The following IQCH variants were observed in gnomAD, a reference collection of about 807,000 sequenced individuals.
The protein encoded by IQCH is IQ motif containing H, also known as IQ domain-containing protein H.
Under a neutral mutation model 117.0 loss-of-function variants are expected in IQCH, and 98 were observed. That is an observed-to-expected ratio of 0.84 (90% CI 0.71 to 0.99). The LOEUF (loss-of-function observed/expected upper bound fraction) is 0.99, where lower values mean the gene tolerates loss of function less well. Among genes scored for constraint, IQCH ranks in the 50% least tolerant of loss-of-function variants. IQCH has a pLI of 0.00. For synonymous variants in IQCH, 412 were observed against 448.2 expected, an observed-to-expected ratio of 0.92 and a Z score of 1.02; for missense variants, 1,102 against 1,243.8, an observed-to-expected ratio of 0.89 and a Z score of 1.72.
chr15:67,285,251 G>A (rs530162439), intron 4 of IQCH, among the ~76,000 whole-genome samples: 2 of 151,790 alleles, frequency 1.3e-5, no homozygotes, highest in East Asian at 3.9e-4. Flanking sequence ...CCGCATGTAT[G>A]TCATCTTTTG....
intron 16 of IQCH, among the ~76,000 whole-genome samples, chr15:67,440,555 T>C (rs1434457366): frequency 6.6e-6 from 1 of 152,226 alleles, no homozygotes; most frequent in Non-Finnish European, 1.5e-5. Flanking sequence ...GATGCAGGGA[T>C]GGTTTAACAT....
intron 4 of IQCH, among the ~76,000 whole-genome samples, chr15:67,304,727 A>G (rs1343284804): frequency 6.6e-6 from 1 of 152,144 alleles, no homozygotes; most frequent in Non-Finnish European, 1.5e-5. Flanking sequence ...TTAACGAGGA[A>G]ATAATTTACC....
At chr15:67,419,015 G>A (rs1187462118) in intron 15 of IQCH, among the ~76,000 whole-genome samples, 1 of 151,970 alleles carries the variant, frequency 6.6e-6, no homozygotes, top group African/African-American at 2.4e-5. Flanking sequence ...CTTTTCATGT[G>A]AGTTTTGTAG....
At position 67,474,067 on chromosome 15, in the gene IQCH, A is replaced by AGTGTGTGTGTGTGT. The variant is rs36050088; in HGVS notation, c.2677-1605_2677-1592dup. On this transcript the variant is annotated intron_variant, in intron 17 of 20. Transcript: ENST00000335894. The surrounding 1 kb of genome is among the most constrained non-coding windows in gnomAD (Gnocchi z 4.1). ...GTCACCAAAAGTGCCACGAAATCTG[A>AGTGTGTGTGTGTGT]GTGTGTGTGTGTGTGTGTGTGTGTG... Among the ~76,000 whole-genome samples, 927 of 138,302 alleles carry AGTGTGTGTGTGTGT rather than the reference A, an allele frequency of 6.7e-3. 6 individuals carry two copies. Among genetic ancestry groups the AGTGTGTGTGTGTGT allele is most frequent in the Middle Eastern group, 0.018 (5 of 284 alleles). 90.7% of individuals were successfully genotyped at this position (138,302 alleles called of 152,430 possible). A position where few individuals can be genotyped will look rare whatever the true frequency, so the allele number is the denominator to read the frequency against.
In IQCH at chr15:67,421,415, C is replaced by T; in HGVS notation, c.2343C>T (p.Pro781=). 1 of 1,614,166 alleles carries T rather than the reference C, an allele frequency of 6.2e-7. No homozygotes were observed. The highest frequency in any genetic ancestry group is 8.5e-7 in the Non-Finnish European group (1 of 1,180,022). The change falls in exon 16 of 21, where the codon CCC becomes CCT. Residue 781 remains proline (P), a synonymous_variant. Coordinates refer to ENST00000335894, the MANE Select transcript of IQCH (RefSeq NM_001031715.3). ...GGGACCAGCTTCATGCTGAAAGCCC[C>T]TTCATCTCCTCTGGTACCACCGTGC... is the stretch of plus-strand genomic sequence containing the variant. ...STGDQLHAES[P]FISSGTTVPQ...
chr15:67,316,726 AAAG>A (rs903756058), intron 4 of IQCH, among the ~76,000 whole-genome samples: 14 of 152,280 alleles, frequency 9.2e-5, no homozygotes, highest in South Asian at 6.2e-4. Context: ...CTGAGGCAAA[AAAG>A]CAGTTAAATA....
rs2140780392 is a variant in IQCH at position 67,369,743 on chromosome 15, T to C, written c.754-2368T>C. On this transcript the variant is annotated intron_variant, in intron 8 of 20. Coordinates refer to ENST00000335894, the MANE Select transcript of IQCH (RefSeq NM_001031715.3). The surrounding 1 kb of genome is among the most constrained non-coding windows in gnomAD (Gnocchi z 5.2). The stretch of plus-strand genomic sequence containing the variant: ...TTCCTAGCAGGCTGTGAAGCAGCTT[T>C]GTCTTTACCTGCTCAATGGATCTCA... 6.6e-6 allele frequency among the ~76,000 whole-genome samples: 1 copy of C among 152,332 alleles called. No homozygotes were observed. Among genetic ancestry groups the C allele is most frequent in the South Asian group, 2.1e-4 (1 of 4,828 alleles).
chr15:67,330,652 T>TA (rs557007626), intron 4 of IQCH, among the ~76,000 whole-genome samples: 104 of 151,910 alleles, frequency 6.8e-4, no homozygotes, highest in Non-Finnish European at 1.3e-3. Context: ...GAAAGTGCAG[T>TA]AAAAAAACAA....
At chr15:67,298,433 CCACT>C (rs1966875169) in intron 4 of IQCH, among the ~76,000 whole-genome samples, 1 of 152,058 alleles carries the variant, frequency 6.6e-6, no homozygotes, top group Non-Finnish European at 1.5e-5. Flanking sequence ...ATCATCTGAC[CCACT>C]AAAATGACTT....
rs751874336 is a variant in IQCH at position 67,496,262 on chromosome 15, A to T, written c.2970+1896A>T. On this transcript the variant is annotated intron_variant, in intron 20 of 20. Coordinates refer to ENST00000335894, the MANE Select transcript of IQCH (RefSeq NM_001031715.3). This position sits in a 1 kb window ranked among gnomAD's most constrained non-coding sequence, Gnocchi z 4.4. Reference sequence around the variant, plus strand: ...AGCCTGGGAGGTTGAGGCTGCAGTGAGTCTGGGTGATGGGAGTAAGAATAA... The same window carrying T: ...AGCCTGGGAGGTTGAGGCTGCAGTGTGTCTGGGTGATGGGAGTAAGAATAA... Among the ~76,000 whole-genome samples the T allele has an allele frequency of 2.0e-5, 3 of 152,164 alleles. No homozygotes were observed. Among genetic ancestry groups the T allele is most frequent in the African/African-American group, 4.8e-5 (2 of 41,436 alleles).
chr15:67,346,223 CAG>C (rs1379597560), intron 6 of IQCH, among the ~76,000 whole-genome samples: 1 of 151,888 alleles, frequency 6.6e-6, no homozygotes, highest in East Asian at 1.9e-4. Flanking sequence ...TACTTAAAAA[CAG>C]AAATATAAAA....
In IQCH at chr15:67,370,953, A is replaced by G. The variant is rs1970506458; in HGVS notation, c.754-1158A>G. ...CAGTGCTGTGGCGTAATCATTATGG[A>G]TAAATTGCTGGGGGGGGTTTTCTTT... On this transcript the variant is annotated intron_variant, in intron 8 of 20. Transcript: ENST00000335894. This position sits in a 1 kb window ranked among gnomAD's most constrained non-coding sequence, Gnocchi z 5.6. 8.0e-6 allele frequency among the ~76,000 whole-genome samples: 1 copy of G among 124,872 alleles called. No homozygotes were observed. Among genetic ancestry groups the G allele is most frequent in the South Asian group, 2.4e-4 (1 of 4,160 alleles). 81.9% of individuals were successfully genotyped at this position (124,872 alleles called of 152,430 possible).
At position 67,376,491 on chromosome 15, in the gene IQCH, C is replaced by G. The variant is rs2140804244; in HGVS notation, c.1372+3058C>G. Among the ~76,000 whole-genome samples, 1 of 152,310 alleles carries G rather than the reference C, an allele frequency of 6.6e-6. No homozygotes were observed. The highest frequency in any genetic ancestry group is 2.4e-5 in the African/African-American group (1 of 41,578). On this transcript the variant is annotated intron_variant, in intron 10 of 20. Transcript: ENST00000335894. This position sits in a 1 kb window ranked among gnomAD's most constrained non-coding sequence, Gnocchi z 5.0. ...TTAACACAAGTTGCAGCCTTGTCCTCTTTTTCTCTTGCCATAGGAAATTTG... is the reference window on the plus strand; with the variant it reads ...TTAACACAAGTTGCAGCCTTGTCCTGTTTTTCTCTTGCCATAGGAAATTTG...
Position 67,500,625 on chromosome 15 carries a change from AT to A in IQCH, c.2971-5del. ...TCTTTAAGTAATAAATATTGTCTTT[AT>A]TTACAGACCACCATTGCTGATATTG... On this transcript the variant is annotated splice_polypyrimidine_tract_variant and splice_region_variant and intron_variant, in intron 20 of 20. Transcript: ENST00000335894. This position sits in a 1 kb window ranked among gnomAD's most constrained non-coding sequence, Gnocchi z 4.4. The A allele has an allele frequency of 2.8e-6, 4 of 1,416,650 alleles. No individual in the cohort carries two copies. The highest frequency in any genetic ancestry group is 4.0e-6 in the Non-Finnish European group (4 of 1,012,342). The allele number at this position is 1,416,650 out of a possible 1,614,324, so 87.8% of individuals were successfully genotyped here.
chr15:67,277,724 G>A (rs955559593), intron 3 of IQCH, among the ~76,000 whole-genome samples: 7 of 151,828 alleles, frequency 4.6e-5, no homozygotes, highest in East Asian at 1.9e-4. Flanking sequence ...TAGTACAGAC[G>A]GGGTTTCACC....
rs186545127 is a variant in IQCH, at chr15:67,402,137, G to A, written c.2097+1832G>A. On this transcript the variant is annotated intron_variant, in intron 14 of 20. Coordinates refer to ENST00000335894, the MANE Select transcript of IQCH (RefSeq NM_001031715.3). ...ATTTAAATTTCAGTTATTTTAAACCGTAGCATTTTTAATTGGCACCAAATA... is the reference window on the plus strand; with the variant it reads ...ATTTAAATTTCAGTTATTTTAAACCATAGCATTTTTAATTGGCACCAAATA... Among the ~76,000 whole-genome samples, 21 of 152,178 alleles carry A rather than the reference G, an allele frequency of 1.4e-4. No homozygotes were observed. In the East Asian group the frequency reaches 1.9e-3, roughly 14 times the overall value.
rs1966313348 is a variant in IQCH, at chr15:67,280,589, T to C, written c.387+1077T>C. Among the ~76,000 whole-genome samples, 6 of 152,310 alleles carry C rather than the reference T, an allele frequency of 3.9e-5. No homozygotes were observed. The South Asian group carries it at 1.2e-3, about 32-fold the overall frequency. ...CTTTTTATAAGGACATTGATCTCAT[T>C]CATTAGGGTTCTACCCTCATGAGCT... is the stretch of plus-strand genomic sequence containing the variant. On this transcript the variant is annotated intron_variant, in intron 4 of 20. Transcript: ENST00000335894.
chr15:67,372,263 G>A lies in IQCH; in HGVS notation c.906G>A (p.Leu302=), dbSNP rs776196030. 15 of 1,613,874 alleles carry A rather than the reference G, an allele frequency of 9.3e-6. No individual in the cohort carries two copies. The highest frequency in any genetic ancestry group is 8.5e-6 in the Non-Finnish European group (10 of 1,179,954). ...SLAWGGIFSL[L]EHVEKFLRNY... is the part of the protein sequence containing the mutation. ...CTTGGGGAGGTATTTTTTCTCTCTTGGAACACGTCGAGAAGTTTCTCAGGA... is the reference window on the plus strand; with the variant it reads ...CTTGGGGAGGTATTTTTTCTCTCTTAGAACACGTCGAGAAGTTTCTCAGGA... Residue 302 remains leucine, a synonymous_variant, in exon 9 of 21, where the codon TTG becomes TTA. Transcript: ENST00000335894.
At chr15:67,469,541 C>T (rs72747417) in intron 17 of IQCH, among the ~76,000 whole-genome samples, 19,268 of 152,166 alleles carry the variant, frequency 0.13, 1,288 homozygotes, top group East Asian at 0.2. Flanking sequence ...AAGTTCTCAT[C>T]AGCCTTTACC....
Sources: allele counts gnomAD v4.1 joint callset (sites outside exome capture counted in the v4.1 genomes callset), GRCh38; gene constraint gnomAD v4.1.1; non-coding constraint Gnocchi (gnomAD v3.1); transcripts MANE v1.5; gene names NCBI Gene and HGNC (gene_info 2026-07-23, HGNC 2026-07-21).